The following FAM193A variants were observed in gnomAD, a reference collection of about 807,000 sequenced individuals.
The protein encoded by FAM193A is protein FAM193A.
In FAM193A, 22 loss-of-function variants were observed where a neutral mutation model predicts 126.5. That is an observed-to-expected ratio of 0.17 (90% CI 0.12 to 0.25). The LOEUF is 0.25. FAM193A is among the 10% of genes least tolerant of loss of function. The probability of loss-of-function intolerance (pLI) is 1.00; values close to 1 mark genes in which losing one functional copy is unlikely to be tolerated. For synonymous variants in FAM193A, 761 were observed against 646.8 expected, an observed-to-expected ratio of 1.18 and a Z score of -2.68; for missense variants, 1,675 against 1,672.8, an observed-to-expected ratio of 1.00 and a Z score of -0.02.
intron 1 of FAM193A, among the ~76,000 whole-genome samples, chr4:2,545,827 G>A (rs1422890604): frequency 6.6e-6 from 1 of 152,112 alleles, no homozygotes; most frequent in Non-Finnish European, 1.5e-5. Context: ...GACTACAGGT[G>A]TGCACCACCA....
In FAM193A at chr4:2,696,465, A is replaced by C. The variant is rs1717045299; in HGVS notation, c.3379A>C (p.Ile1127Leu). The change falls in exon 18 of 21, where the codon ATC (isoleucine) becomes CTC (leucine). Residue 1127 changes from isoleucine (I) to leucine (L), a missense_variant. This residue lies in a region of FAM193A where 54 missense variants were observed against 114.8 expected (regional missense o/e 0.47). Transcript: ENST00000637812. ...GGAGCAACCTAAAAAAATGGACCAGATCTCAGAAAGGGAAAGCGTCGTTGA... is the reference window on the plus strand; with the variant it reads ...GGAGCAACCTAAAAAAATGGACCAGCTCTCAGAAAGGGAAAGCGTCGTTGA... Reference protein sequence around the residue: ...KEEQPKKMDQISERESVVDHR... With the variant: ...KEEQPKKMDQLSERESVVDHR... 1.2e-6 allele frequency: 2 copies of C among 1,614,224 alleles called. No homozygotes were observed. Among genetic ancestry groups the C allele is most frequent in the East Asian group, 4.5e-5 (2 of 44,894 alleles).
chr4:2,596,752 A>C (rs1489791434), intron 2 of FAM193A, among the ~76,000 whole-genome samples: 1 of 152,040 alleles, frequency 6.6e-6, no homozygotes. Flanking sequence ...TCGAGGCCAC[A>C]GCAGGCTTGG....
intron 2 of FAM193A, among the ~76,000 whole-genome samples, chr4:2,601,933 G>C (rs1259546299): frequency 6.6e-6 from 1 of 152,030 alleles, no homozygotes; most frequent in East Asian, 1.9e-4. Context: ...CCACCTCCCA[G>C]GTTCAAGGGA....
intron 6 of FAM193A, among the ~76,000 whole-genome samples, chr4:2,645,510 T>G (rs1247533770): frequency 6.6e-6 from 1 of 152,082 alleles, no homozygotes; most frequent in Non-Finnish European, 1.5e-5. Flanking sequence ...CTTGCCATCT[T>G]TCTTTTTTTT....
intron 1 of FAM193A, among the ~76,000 whole-genome samples, chr4:2,590,476 CA>C (rs754091956): frequency 0.11 from 4,546 of 40,482 alleles, 891 homozygotes; most frequent in South Asian, 0.19. Flanking sequence ...AAAAAAAAAA[CA>C]AAAAAAAACA....
intron 2 of FAM193A, among the ~76,000 whole-genome samples, chr4:2,622,843 C>G (rs2108969636): frequency 6.6e-6 from 1 of 152,266 alleles, no homozygotes; most frequent in Non-Finnish European, 1.5e-5. Context: ...GGCCCTACTT[C>G]CTGATACATT....
At chr4:2,594,201 A>G (rs969929575) in intron 1 of FAM193A, among the ~76,000 whole-genome samples, 13 of 152,208 alleles carry the variant, frequency 8.5e-5, no homozygotes, top group African/African-American at 2.9e-4. Context: ...ATTCATTTAT[A>G]CATTCAGCCC....
intron 5 of FAM193A, among the ~76,000 whole-genome samples, chr4:2,631,662 T>C (rs1391337835): frequency 1.3e-5 from 2 of 152,204 alleles, no homozygotes; most frequent in Non-Finnish European, 2.9e-5. Context: ...AAGCCAGCAC[T>C]GAGTTAAGGA....
intron 2 of FAM193A, among the ~76,000 whole-genome samples, chr4:2,613,287 A>G (rs1396505850): frequency 6.6e-6 from 1 of 150,846 alleles, no homozygotes; most frequent in Non-Finnish European, 1.5e-5. Flanking sequence ...AAATAAATAC[A>G]TTTTCCCAAA....
intron 3 of FAM193A, 58 bp downstream of exon 3, chr4:2,625,453 A>C (rs533282668): frequency 1.5e-6 from 1 of 652,830 alleles, no homozygotes; most frequent in Non-Finnish European, 2.8e-6. Context: ...GCAGACCTGC[A>C]TATTGGAGCT....
At chr4:2,728,141 G>C (rs765796431) in intron 20 of FAM193A, among the ~76,000 whole-genome samples, 93 of 151,920 alleles carry the variant, frequency 6.1e-4, no homozygotes, top group Admixed American at 1.3e-3. Context: ...ATGTTGGTCA[G>C]GCTGGTCTCG....
intron 1 of FAM193A, among the ~76,000 whole-genome samples, chr4:2,552,936 C>T (rs1161730544): frequency 6.6e-6 from 1 of 150,864 alleles, no homozygotes; most frequent in Non-Finnish European, 1.5e-5. Flanking sequence ...CAACCTCTGC[C>T]TCCCAGCCTC....
intron 1 of FAM193A, among the ~76,000 whole-genome samples, chr4:2,579,322 C>T (rs546720865): frequency 3.8e-4 from 58 of 151,940 alleles, no homozygotes; most frequent in African/African-American, 1.4e-3. Flanking sequence ...TGGTGAAACC[C>T]CATCTCTACT....
At chr4:2,722,833 A>G (rs1560618517) in intron 20 of FAM193A, among the ~76,000 whole-genome samples, 1 of 151,542 alleles carries the variant, frequency 6.6e-6, no homozygotes, top group Non-Finnish European at 1.5e-5. Context: ...AGAGACAAAT[A>G]AGTAAGTAAG....
Position 2,662,885 on chromosome 4 carries a change from A to G in FAM193A, c.1793A>G (p.Asp598Gly). The G allele has an allele frequency of 6.2e-7, 1 of 1,612,414 alleles. No individual in the cohort carries two copies. Among genetic ancestry groups the G allele is most frequent in the Non-Finnish European group, 8.5e-7 (1 of 1,178,622 alleles). Residue 598 changes from aspartate to glycine, a missense_variant, in exon 11 of 21, where the codon GAT becomes GGT. Physicochemically the swap from Asp to Gly is moderately conservative, Grantham distance 94. This residue lies in a region of FAM193A where 1,186 missense variants were observed against 1,109.2 expected (regional missense o/e 1.07). Transcript: ENST00000637812. The part of the protein sequence containing the change: ...DVAPLSAKFA[D>G]IYPLSNYDDT... ...GCACCATTGTCAGCCAAATTTGCTG[A>G]TATTTATCCATTGAGTAATTATGAT...
At chr4:2,677,615 C>T (rs1268777284) in intron 13 of FAM193A, among the ~76,000 whole-genome samples, 10 of 151,810 alleles carry the variant, frequency 6.6e-5, no homozygotes, top group African/African-American at 2.2e-4. Flanking sequence ...GTGGCACGTG[C>T]CTGTAGTCCC....
intron 19 of FAM193A, among the ~76,000 whole-genome samples, chr4:2,710,291 C>T (rs1271688850): frequency 6.7e-6 from 1 of 149,668 alleles, no homozygotes; most frequent in Middle Eastern, 3.5e-3. Flanking sequence ...TCTCCTGCCT[C>T]AGCCTCCCGA....
intron 5 of FAM193A, among the ~76,000 whole-genome samples, chr4:2,636,177 C>A (rs1267086539): frequency 6.6e-6 from 1 of 151,894 alleles, no homozygotes; most frequent in African/African-American, 2.4e-5. Context: ...GATTCTCCTG[C>A]CTCAGCCTCC....
chr4:2,695,203 C>A, intron 17 of FAM193A, 74 bp downstream of exon 17: 1 of 1,336,806 alleles, frequency 7.5e-7, no homozygotes, highest in Non-Finnish European at 1.0e-6. Flanking sequence ...AAATTCTGTA[C>A]TAGGTTGAAT....
Sources: gnomAD v4.1 joint callset for allele counts (sites outside exome capture counted in the v4.1 genomes callset) on GRCh38, gnomAD v4.1.1 for gene constraint, gnomAD v4.1.1 regional missense constraint, MANE v1.5 for transcripts, NCBI Gene and HGNC (gene_info 2026-07-23, HGNC 2026-07-21) for gene names.